OPCML: variants seen among roughly 807,000 people sequenced by gnomAD.
The protein encoded by OPCML is opioid-binding protein/cell adhesion molecule.
In OPCML, 13 loss-of-function variants were observed where a neutral mutation model predicts 37.8. That is an observed-to-expected ratio of 0.34 (90% CI 0.22 to 0.55). The LOEUF is 0.55. Ranked by LOEUF, OPCML falls within the 20% of genes least tolerant of loss-of-function variation. The pLI, the probability that OPCML is intolerant of heterozygous loss-of-function variation, is 0.91. For synonymous variants in OPCML, 176 were observed against 168.8 expected (o/e 1.04, Z -0.33); for missense variants, 341 against 435.6 (o/e 0.78, Z 1.93).
chr11:132,974,333 C>T (rs535185250), intron 1 of OPCML, among the ~76,000 whole-genome samples: 23 of 152,322 alleles, frequency 1.5e-4, no homozygotes, highest in African/African-American at 5.5e-4. Flanking sequence ...ATCTCCCCAT[C>T]ACACTTTGCA....
intron 3 of OPCML, among the ~76,000 whole-genome samples, chr11:132,597,256 T>C (rs1006504767): frequency 2.0e-5 from 3 of 152,240 alleles, no homozygotes; most frequent in African/African-American, 4.8e-5. Context: ...CATTTCACAA[T>C]ATGCTATGTG....
chr11:132,711,787 A>G (rs1277944788), intron 2 of OPCML, among the ~76,000 whole-genome samples: 2 of 152,196 alleles, frequency 1.3e-5, no homozygotes, highest in Non-Finnish European at 2.9e-5. Flanking sequence ...GTATGTGTGT[A>G]CCTTACATAT....
intron 2 of OPCML, among the ~76,000 whole-genome samples, chr11:132,842,409 C>G (rs1355141410): frequency 6.6e-6 from 1 of 152,238 alleles, no homozygotes; most frequent in Admixed American, 6.5e-5. Context: ...AGCCTCCCCT[C>G]TTCCCAGCAA....
chr11:132,501,976 G>A (rs2137127023), intron 4 of OPCML, among the ~76,000 whole-genome samples: 1 of 152,304 alleles, frequency 6.6e-6, no homozygotes, highest in East Asian at 1.9e-4. Flanking sequence ...CTAAAAGAGA[G>A]GATATGGGGC....
At chr11:133,052,176 T>C (rs1948144743) in intron 1 of OPCML, among the ~76,000 whole-genome samples, 1 of 152,194 alleles carries the variant, frequency 6.6e-6, no homozygotes, top group South Asian at 2.1e-4. Flanking sequence ...TATTTCCAAA[T>C]AAACTAAGGG....
intron 3 of OPCML, among the ~76,000 whole-genome samples, chr11:132,618,409 AG>A (rs1238435807): frequency 5.3e-5 from 8 of 152,148 alleles, no homozygotes; most frequent in Non-Finnish European, 1.2e-4. Context: ...AGGCTCTGGA[AG>A]GAGACTCACT....
Position 132,746,973 on chromosome 11 carries a change from C to T in OPCML, c.147-89654G>A, listed in dbSNP as rs188152563. ...AGTTCTCTAAGCCTCAGTTTTCCTACCTGTAAAATGGTAACAACATTAAGT... is the reference window on the plus strand; with the variant it reads ...AGTTCTCTAAGCCTCAGTTTTCCTATCTGTAAAATGGTAACAACATTAAGT... On this transcript the variant is annotated intron_variant, in intron 2 of 7. Coordinates refer to ENST00000524381, the MANE Select transcript of OPCML (RefSeq NM_001012393.5). 2.4e-3 allele frequency among the ~76,000 whole-genome samples: 361 copies of T among 152,212 alleles called. 2 individuals are homozygous for T. Among genetic ancestry groups the T allele is most frequent in the South Asian group, 0.01 (50 of 4,822 alleles).
At chr11:133,207,214 G>C (rs1028130172) in intron 1 of OPCML, among the ~76,000 whole-genome samples, 3 of 151,872 alleles carry the variant, frequency 2.0e-5, no homozygotes, top group Non-Finnish European at 4.4e-5. Context: ...GCAGGAGAAT[G>C]GCGTGAACCC....
intron 1 of OPCML, among the ~76,000 whole-genome samples, chr11:133,483,799 A>AGAT (rs779221852): frequency 0.24 from 35,830 of 147,594 alleles, 5,330 homozygotes; most frequent in African/African-American, 0.38. Flanking sequence ...CATAGATGAT[A>AGAT]GATAGATAGA....
intron 1 of OPCML, among the ~76,000 whole-genome samples, chr11:133,314,789 G>T (rs529820570): frequency 2.4e-4 from 37 of 152,276 alleles, no homozygotes; most frequent in African/African-American, 8.9e-4. Context: ...GGACATTGCC[G>T]CAAAAAATTA....
chr11:133,295,448 G>C (rs1214507308), intron 1 of OPCML, among the ~76,000 whole-genome samples: 2 of 152,192 alleles, frequency 1.3e-5, no homozygotes, highest in Admixed American at 6.5e-5. Context: ...GGATCTGAAA[G>C]TATGGTGGAT....
chr11:132,842,345 T>C (rs962845709), intron 2 of OPCML, among the ~76,000 whole-genome samples: 1 of 152,214 alleles, frequency 6.6e-6, no homozygotes, highest in Non-Finnish European at 1.5e-5. Flanking sequence ...ATGATATCTG[T>C]ATTAACGGGA....
chr11:132,467,123 G>C (rs987084822), intron 4 of OPCML, among the ~76,000 whole-genome samples: 1 of 152,174 alleles, frequency 6.6e-6, no homozygotes, highest in African/African-American at 2.4e-5. Flanking sequence ...GTTGCTAGTG[G>C]CTGGAGATTA....
intron 3 of OPCML, among the ~76,000 whole-genome samples, chr11:132,585,772 C>T (rs965093796): frequency 3.9e-5 from 6 of 152,118 alleles, no homozygotes; most frequent in Admixed American, 1.3e-4. Flanking sequence ...GGATAGTTAC[C>T]GCAATAAAAC....
chr11:133,001,428 G>C (rs77337374), intron 1 of OPCML, among the ~76,000 whole-genome samples: 5,039 of 152,190 alleles, frequency 0.033, 290 homozygotes, highest in African/African-American at 0.12. Context: ...AAAGAAGAAG[G>C]CTATGTTTTT....
chr11:133,058,920 C>T (rs988179370), intron 1 of OPCML, among the ~76,000 whole-genome samples: 2 of 152,254 alleles, frequency 1.3e-5, no homozygotes, highest in African/African-American at 4.8e-5. Flanking sequence ...CCAAGCTTGC[C>T]TCACTGACCT....
intron 2 of OPCML, among the ~76,000 whole-genome samples, chr11:132,730,387 T>TA (rs1945037025): frequency 6.6e-6 from 1 of 152,132 alleles, no homozygotes; most frequent in South Asian, 2.1e-4. Flanking sequence ...CTTCTCTTAA[T>TA]AAAAAGGCAT....
At chr11:133,451,596 G>A (rs902478858) in intron 1 of OPCML, among the ~76,000 whole-genome samples, 6 of 151,562 alleles carry the variant, frequency 4.0e-5, no homozygotes, top group East Asian at 1.9e-4. Flanking sequence ...GTAATCCAGC[G>A]CTTTGGGAGG....
chr11:132,920,776 AAAAT>A (rs1259756454), intron 2 of OPCML, among the ~76,000 whole-genome samples: 3 of 152,254 alleles, frequency 2.0e-5, no homozygotes, highest in Non-Finnish European at 4.4e-5. Flanking sequence ...GTTCTGTTGC[AAAAT>A]AAATAAATAA....
Sources: allele counts gnomAD v4.1 joint callset (sites outside exome capture counted in the v4.1 genomes callset), GRCh38; gene constraint gnomAD v4.1.1; transcripts MANE v1.5; gene names NCBI Gene and HGNC (gene_info 2026-07-23, HGNC 2026-07-21).